The following VSTM2A variants were observed in gnomAD, a reference collection of about 807,000 sequenced individuals.
The protein encoded by VSTM2A is V-set and transmembrane domain containing 2A.
Under a neutral mutation model 27.3 loss-of-function variants are expected in VSTM2A, and 13 were observed. The ratio of observed to expected loss-of-function variants is 0.48; its 90% CI spans 0.31 to 0.76. The LOEUF is 0.76. Ranked by LOEUF, VSTM2A falls within the 30% of genes least tolerant of loss-of-function variation. VSTM2A has a pLI of 0.05. For synonymous variants in VSTM2A, 142 were observed against 125.7 expected (o/e 1.13, Z -0.87); for missense variants, 280 against 310.0 (o/e 0.90, Z 0.73).
chr7:54,557,567 C>G (rs1788409726), intron 4 of VSTM2A, among the ~76,000 whole-genome samples: 1 of 152,062 alleles, frequency 6.6e-6, no homozygotes, highest in South Asian at 2.1e-4. Flanking sequence ...CTCCTGACCT[C>G]AAGTGATCCC....
At chr7:54,558,229 A>G (rs1303382248) in intron 4 of VSTM2A, 3 of 152,234 alleles carry the variant, frequency 2.0e-5, no homozygotes, top group East Asian at 1.9e-4. Flanking sequence ...GTAATTAGCA[A>G]TACATCTGAA....
In VSTM2A at chr7:54,565,405, C is replaced by T. The variant is rs556936169; in HGVS notation, c.635-3726C>T. The stretch of plus-strand genomic sequence containing the variant: ...TTTTGGAGGGCAAGGTGTGGGCACG[C>T]GGAGGGATGCAGCACTGTTCAGCAT... On this transcript the variant is annotated intron_variant, in intron 4 of 4. Coordinates refer to ENST00000402613, the MANE Select transcript of VSTM2A (RefSeq NM_001301009.2). Among the ~76,000 whole-genome samples the T allele has an allele frequency of 1.6e-4, 25 of 152,258 alleles. No homozygotes were observed. In the South Asian group the frequency reaches 2.1e-3, roughly 13 times the overall value.
Position 54,569,297 on chromosome 7 carries a change from T to C in VSTM2A, c.*78T>C, listed in dbSNP as rs1788820937. On this transcript the variant is annotated 3_prime_UTR_variant, in exon 5 of 5. Transcript: ENST00000402613. ...CATGCTTTGTTGATCATATTTTCTTTGGCAAAACACTGATCTTTTATTTTA... is the reference window on the plus strand; with the variant it reads ...CATGCTTTGTTGATCATATTTTCTTCGGCAAAACACTGATCTTTTATTTTA... 1 of 1,535,634 alleles carries C rather than the reference T, an allele frequency of 6.5e-7. No individual in the cohort carries two copies. The highest frequency in any genetic ancestry group is 8.8e-7 in the Non-Finnish European group (1 of 1,139,158).
chr7:54,545,035 T>C (rs1025339550), intron 2 of VSTM2A, among the ~76,000 whole-genome samples: 3 of 152,192 alleles, frequency 2.0e-5, no homozygotes, highest in African/African-American at 7.2e-5. Flanking sequence ...CCTCCTCCTG[T>C]AAGTTCTGGT....
rs1302280050 is a variant in VSTM2A at position 54,569,575 on chromosome 7, A to T, written c.*356A>T. ...AAACCCCCTTTTTAGGGGAAGAACA[A>T]AACTATCAACACTGCAAGTCAACAA... On this transcript the variant is annotated 3_prime_UTR_variant, in exon 5 of 5. Coordinates refer to ENST00000402613, the MANE Select transcript of VSTM2A (RefSeq NM_001301009.2). The T allele has an allele frequency of 4.9e-6, 1 of 203,128 alleles. No homozygotes were observed. The highest frequency in any genetic ancestry group is 2.3e-5 in the African/African-American group (1 of 43,366). 12.6% of individuals were successfully genotyped at this position (203,128 alleles called of 1,614,324 possible).
rs3032802 is a variant in VSTM2A, at chr7:54,551,140, T to TACAC, written c.634+989_634+992dup. 2.7e-5 allele frequency: 4 copies of TACAC among 149,414 alleles called. No individual in the cohort carries two copies. The South Asian group carries it at 8.5e-4, about 32-fold the overall frequency. The allele number at this position is 149,414 out of a possible 1,614,324, so 9.3% of individuals were successfully genotyped here. A position where few individuals can be genotyped will look rare whatever the true frequency, so the allele number is the denominator to read the frequency against. The stretch of plus-strand genomic sequence containing the variant: ...AGATCTCATCTCATATCGTCCTGAA[T>TACAC]ACACACACACACACACACACACGCA... On this transcript the variant is annotated intron_variant, in intron 4 of 4. Transcript: ENST00000402613.
chr7:54,550,889 TC>T (rs1788169969), intron 4 of VSTM2A: 1 of 152,306 alleles, frequency 6.6e-6, no homozygotes, highest in Non-Finnish European at 1.5e-5. Context: ...GATAAAGGCT[TC>T]GTGGAATGAG....
chr7:54,559,066 C>A lies in VSTM2A; in HGVS notation c.634+8896C>A, dbSNP rs989721961. The stretch of plus-strand genomic sequence containing the variant: ...ATTATGTAACCCACTCCTAATCACT[C>A]CTAATCAGTCGTAATAGAGATATTA... On this transcript the variant is annotated intron_variant, in intron 4 of 4. Coordinates refer to ENST00000402613, the MANE Select transcript of VSTM2A (RefSeq NM_001301009.2). The A allele has an allele frequency of 6.6e-5, 10 of 151,828 alleles. No individual in the cohort carries two copies. The East Asian group carries it at 9.7e-4, about 15-fold the overall frequency. The allele number at this position is 151,828 out of a possible 1,614,324, so 9.4% of individuals were successfully genotyped here.
At chr7:54,559,890 A>G (rs1465417353) in intron 4 of VSTM2A, 1 of 152,174 alleles carries the variant, frequency 6.6e-6, no homozygotes, top group Non-Finnish European at 1.5e-5. Context: ...GTGAAAAAAT[A>G]TATAGCATAC....
chr7:54,562,338 C>G (rs560957518), intron 4 of VSTM2A, among the ~76,000 whole-genome samples: 1 of 152,124 alleles, frequency 6.6e-6, no homozygotes, highest in African/African-American at 2.4e-5. Flanking sequence ...CTTTCTTTTT[C>G]TTCTATTTTT....
At position 54,542,655 on chromosome 7, in the gene VSTM2A, C is replaced by A; in HGVS notation, c.-76C>A. 2 of 1,334,512 alleles carry A rather than the reference C, an allele frequency of 1.5e-6. No individual in the cohort carries two copies. The highest frequency in any genetic ancestry group is 1.3e-5 in the South Asian group (1 of 79,600). 82.7% of individuals were successfully genotyped at this position (1,334,512 alleles called of 1,614,324 possible). A position where few individuals can be genotyped will look rare whatever the true frequency, so the allele number is the denominator to read the frequency against. The stretch of plus-strand genomic sequence containing the variant: ...GCCCAGGGCTCTGAGACTGAGCCTG[C>A]CATCCACTCGCACGCCTTTCTTTCA... On this transcript the variant is annotated 5_prime_UTR_variant, in exon 1 of 5. Transcript: ENST00000402613.
chr7:54,547,060 C>T, intron 3 of VSTM2A, 63 bp downstream of exon 3: 5 of 1,491,360 alleles, frequency 3.4e-6, no homozygotes, highest in Non-Finnish European at 4.5e-6. Context: ...CTTCCCTGTC[C>T]CCGAGAAGGC....
At chr7:54,543,400 G>A (rs1348678580) in intron 1 of VSTM2A, among the ~76,000 whole-genome samples, 1 of 152,080 alleles carries the variant, frequency 6.6e-6, no homozygotes, top group African/African-American at 2.4e-5. Flanking sequence ...TCACATCTCT[G>A]GTGCCAAAAG....
At chr7:54,546,554 G>GCCCCCCCGCCTCACCCCTGGCGCCC (rs1787982209) in intron 2 of VSTM2A, 1 of 161,680 alleles carries the variant, frequency 6.2e-6, no homozygotes, top group Admixed American at 6.5e-5. Flanking sequence ...CACCCCTGGC[G>GCCCCCCCGCCTCACCCCTGGCGCCC]CCCCCCCGCC....
chr7:54,570,009 T>C lies in VSTM2A; in HGVS notation c.*790T>C, dbSNP rs955361545. ...TGTTTTTCGTTGATAATTCATACACTGCGTGAATTTTGTAATTCATTGTTT... is the reference window on the plus strand; with the variant it reads ...TGTTTTTCGTTGATAATTCATACACCGCGTGAATTTTGTAATTCATTGTTT... On this transcript the variant is annotated 3_prime_UTR_variant, in exon 5 of 5. Transcript: ENST00000402613. The C allele has an allele frequency of 9.2e-5, 14 of 152,196 alleles. No homozygotes were observed. Among genetic ancestry groups the C allele is most frequent in the African/African-American group, 2.9e-4 (12 of 41,446 alleles). The allele number at this position is 152,196 out of a possible 1,614,324, so 9.4% of individuals were successfully genotyped here. A position where few individuals can be genotyped will look rare whatever the true frequency, so the allele number is the denominator to read the frequency against.
intron 4 of VSTM2A, among the ~76,000 whole-genome samples, chr7:54,561,438 A>G (rs1012945529): frequency 3.9e-5 from 6 of 152,246 alleles, no homozygotes; most frequent in Non-Finnish European, 4.4e-5. Context: ...ATTAAAAAAC[A>G]GCCCTTGGAC....
chr7:54,544,938 G>T, intron 2 of VSTM2A, 150 bp downstream of exon 2: 1 of 997,778 alleles, frequency 1.0e-6, no homozygotes, highest in Non-Finnish European at 1.4e-6. Flanking sequence ...CTTCTAGGGA[G>T]GGAAAGGGAA....
chr7:54,547,023 G>T (rs202138018), intron 3 of VSTM2A, 26 bp downstream of exon 3: 2 of 1,565,850 alleles, frequency 1.3e-6, no homozygotes, highest in Non-Finnish European at 1.7e-6. Context: ...GCCAAGGGCC[G>T]CGGGCCCAGG....
chr7:54,546,887 G>A (rs1788011805), intron 2 of VSTM2A, 60 bp from the exon 3 acceptor site: 3 of 1,590,596 alleles, frequency 1.9e-6, no homozygotes, highest in South Asian at 2.2e-5. Flanking sequence ...CTATGCTCGC[G>A]TGGGAGCGGG....
Sources: gnomAD v4.1 joint callset for allele counts (sites outside exome capture counted in the v4.1 genomes callset) on GRCh38, gnomAD v4.1.1 for gene constraint, MANE v1.5 for transcripts, NCBI Gene and HGNC (gene_info 2026-07-23, HGNC 2026-07-21) for gene names.